Variants in CFDP1 observed in about 807,000 individuals in gnomAD.
CFDP1 encodes heterochromatin-stabilizing protein CFDP1.
In CFDP1, 31 loss-of-function variants were observed where a neutral mutation model predicts 40.1. The observed-to-expected ratio is 0.77, with a 90% CI of 0.58 to 1.04. The LOEUF is 1.04. CFDP1 is among the 50% of genes least tolerant of loss of function. CFDP1 has a pLI of 0.00. For missense variants in CFDP1, 423 were observed against 343.4 expected (o/e 1.23, Z -1.83); for synonymous variants, 167 against 120.0 (o/e 1.39, Z -2.56).
intron 5 of CFDP1, among the ~76,000 whole-genome samples, chr16:75,383,797 A>G (rs117173183): frequency 3.2e-4 from 48 of 148,102 alleles, no homozygotes; most frequent in Middle Eastern, 6.9e-3. Context: ...CTAGCCTGGC[A>G]AAAGAGCGAG....
At chr16:75,318,472 C>G (rs2151508227) in intron 5 of CFDP1, among the ~76,000 whole-genome samples, 1 of 148,252 alleles carries the variant, frequency 6.7e-6, no homozygotes, top group Non-Finnish European at 1.5e-5. Flanking sequence ...GTGGCACAGT[C>G]TCGGCTCACT....
chr16:75,296,457 G>A lies in CFDP1; in HGVS notation c.810-2415C>T, dbSNP rs1035515468. On this transcript the variant is annotated intron_variant, in intron 6 of 6. Transcript: ENST00000283882. ...TCTCCATGTTGCCCATGCTGGTCTC[G>A]AACTCCTGGGCTCAAGCGATCCTCA... Among the ~76,000 whole-genome samples the A allele has an allele frequency of 5.3e-5, 7 of 132,824 alleles. No individual in the cohort carries two copies. The South Asian group carries it at 1.3e-3, about 24-fold the overall frequency. 87.1% of individuals were successfully genotyped at this position (132,824 alleles called of 152,430 possible).
Position 75,301,536 on chromosome 16 carries a change from C to CTTTTTTTTTTTTT in CFDP1, c.809+3475_809+3487dup, listed in dbSNP as rs546724752. Among the ~76,000 whole-genome samples, 25 of 53,962 alleles carry CTTTTTTTTTTTTT rather than the reference C, an allele frequency of 4.6e-4. 3 individuals are homozygous for CTTTTTTTTTTTTT. The highest frequency in any genetic ancestry group is 1.2e-3 in the African/African-American group (17 of 14,502). 35.4% of individuals were successfully genotyped at this position (53,962 alleles called of 152,430 possible). ...TCTCAACATTAGAGTTTTGTTGTGT[C>CTTTTTTTTTTTTT]TTTTTTTTTTTTTTTTTTTTTTTTT... On this transcript the variant is annotated intron_variant, in intron 6 of 6. Transcript: ENST00000283882.
chr16:75,407,763 A>C lies in CFDP1; in HGVS notation c.530+4062T>G, dbSNP rs141439834. Reference sequence around the variant, plus strand: ...ATAACTGTAATTATAACTTGACGGGATAAATCATTGAAAATGGCTATAATG... The same window carrying C: ...ATAACTGTAATTATAACTTGACGGGCTAAATCATTGAAAATGGCTATAATG... On this transcript the variant is annotated intron_variant, in intron 4 of 6. Coordinates refer to ENST00000283882, the MANE Select transcript of CFDP1 (RefSeq NM_006324.3). 2.0e-5 allele frequency among the ~76,000 whole-genome samples: 3 copies of C among 152,068 alleles called. No homozygotes were observed. The East Asian group carries it at 5.8e-4, about 29-fold the overall frequency.
Position 75,411,911 on chromosome 16 carries a change from C to T in CFDP1, c.444G>A (p.Leu148=), listed in dbSNP as rs895709541. Residue 148 remains leucine (L), a synonymous_variant, in exon 4 of 7, where the codon TTG becomes TTA. Transcript: ENST00000283882. ...GTTTCTCTAGCTCTTCTGCTTTTAC[C>T]AACAATTTACTTGAACTTGTCTCTT... ...ETEETSSSKL[L]VKAEELEKPK... is the part of the protein sequence containing the mutation. 1.2e-6 allele frequency: 2 copies of T among 1,611,030 alleles called. No individual in the cohort carries two copies. Among genetic ancestry groups the T allele is most frequent in the Non-Finnish European group, 1.7e-6 (2 of 1,179,228 alleles).
rs1420450793 is a variant in CFDP1 at position 75,393,419 on chromosome 16, G to A, written c.650+1671C>T. 2.0e-5 allele frequency among the ~76,000 whole-genome samples: 3 copies of A among 152,100 alleles called. No individual in the cohort carries two copies. In the East Asian group the frequency reaches 5.8e-4, roughly 29 times the overall value. ...TATAACTCTGTTGTTAAGAGCCAGG[G>A]CTGCAAAGATGGGGAAGGCCCACCC... On this transcript the variant is annotated intron_variant, in intron 5 of 6. Transcript: ENST00000283882.
At chr16:75,318,812 A>G (rs1240558820) in intron 5 of CFDP1, among the ~76,000 whole-genome samples, 5 of 152,206 alleles carry the variant, frequency 3.3e-5, no homozygotes, top group Non-Finnish European at 5.9e-5. Context: ...GGATATTAAC[A>G]TAAATTTTAA....
intron 6 of CFDP1, among the ~76,000 whole-genome samples, chr16:75,296,399 G>C (rs534372334): frequency 6.6e-6 from 1 of 152,024 alleles, no homozygotes; most frequent in Non-Finnish European, 1.5e-5. Context: ...CACCACACCT[G>C]GCTAATTTTA....
intron 6 of CFDP1, among the ~76,000 whole-genome samples, chr16:75,302,252 T>A (rs1366575878): frequency 6.6e-6 from 1 of 152,176 alleles, no homozygotes; most frequent in Non-Finnish European, 1.5e-5. Flanking sequence ...TCCTTACTTT[T>A]TTTTTAATTG....
intron 6 of CFDP1, among the ~76,000 whole-genome samples, chr16:75,300,328 C>T (rs1477732501): frequency 6.6e-6 from 1 of 152,140 alleles, no homozygotes; most frequent in Non-Finnish European, 1.5e-5. Flanking sequence ...GCTCTTGTTG[C>T]CTAGGCTGGA....
At chr16:75,409,123 T>G (rs1660238851) in intron 4 of CFDP1, among the ~76,000 whole-genome samples, 1 of 151,984 alleles carries the variant, frequency 6.6e-6, no homozygotes, top group Admixed American at 6.6e-5. Flanking sequence ...CCTCCCAGAG[T>G]GCTGGGATTA....
intron 5 of CFDP1, among the ~76,000 whole-genome samples, chr16:75,336,466 GAA>G (rs2078488349): frequency 6.6e-6 from 1 of 152,216 alleles, no homozygotes; most frequent in African/African-American, 2.4e-5. Context: ...GTCAGAAACA[GAA>G]AAGAGAGTTT....
chr16:75,349,525 G>T (rs1447416812), intron 5 of CFDP1, among the ~76,000 whole-genome samples: 3 of 148,344 alleles, frequency 2.0e-5, no homozygotes, highest in Admixed American at 1.4e-4. Context: ...AGAAAAAAAA[G>T]AAATATAGTT....
chr16:75,304,968 C>A, intron 6 of CFDP1, 56 bp downstream of exon 6: 3 of 1,558,132 alleles, frequency 1.9e-6, no homozygotes, highest in South Asian at 2.3e-5. Context: ...TCCAATAAAT[C>A]ATTTGATTTC....
At chr16:75,394,976 C>A in intron 5 of CFDP1, 114 bp downstream of exon 5, 1 of 1,271,750 alleles carries the variant, frequency 7.9e-7, no homozygotes, top group Admixed American at 2.3e-5. Flanking sequence ...GGCAAAGCAG[C>A]ATCATAATTC....
intron 4 of CFDP1, among the ~76,000 whole-genome samples, chr16:75,402,907 T>G (rs1231060774): frequency 6.6e-6 from 1 of 151,460 alleles, no homozygotes; most frequent in African/African-American, 2.5e-5. Flanking sequence ...TCACTTTTCA[T>G]GTTATATATA....
chr16:75,375,398 A>G (rs2078784385), intron 5 of CFDP1, among the ~76,000 whole-genome samples: 1 of 152,236 alleles, frequency 6.6e-6, no homozygotes, highest in Admixed American at 6.5e-5. Context: ...GTAAGATTGG[A>G]AGAGTCACTT....
intron 5 of CFDP1, among the ~76,000 whole-genome samples, chr16:75,352,101 G>T (rs1170617503): frequency 1.3e-5 from 2 of 151,754 alleles, no homozygotes; most frequent in Admixed American, 1.3e-4. Context: ...AGCACTCCGG[G>T]AGGCTGAGGT....
intron 5 of CFDP1, among the ~76,000 whole-genome samples, chr16:75,376,027 A>G (rs2078792584): frequency 6.6e-6 from 1 of 152,186 alleles, no homozygotes; most frequent in Non-Finnish European, 1.5e-5. Flanking sequence ...AGCCTGCAAC[A>G]TGGGGAGACC....
Sources: gnomAD v4.1 joint callset for allele counts (sites outside exome capture counted in the v4.1 genomes callset) on GRCh38, gnomAD v4.1.1 for gene constraint, MANE v1.5 for transcripts, NCBI Gene and HGNC (gene_info 2026-07-23, HGNC 2026-07-21) for gene names.